Variants in MAD2L2 observed in about 807,000 individuals in gnomAD.
The protein encoded by MAD2L2 is mitotic spindle assembly checkpoint protein MAD2B.
MAD2L2 carries 17 observed loss-of-function variants against 30.5 expected under a neutral mutation model. That is an observed-to-expected ratio of 0.56 (90% CI 0.38 to 0.84). The LOEUF (loss-of-function observed/expected upper bound fraction) is 0.84. MAD2L2 is among the 40% of genes least tolerant of loss of function. The pLI is 0.00. For synonymous variants in MAD2L2, 101 were observed against 113.9 expected (o/e 0.89, Z 0.72); for missense variants, 213 against 277.4 (o/e 0.77, Z 1.65).
At chr1:11,679,314 T>C (rs903211452) in intron 3 of MAD2L2, among the ~76,000 whole-genome samples, 11 of 152,232 alleles carry the variant, frequency 7.2e-5, no homozygotes, top group Admixed American at 6.5e-5. Context: ...CTTCTACCAC[T>C]TATTCTCATG....
chr1:11,675,668 TG>T lies in MAD2L2; in HGVS notation c.490del (p.Gln164ArgfsTer23). 4.3e-6 allele frequency: 7 copies of T among 1,614,058 alleles called. No homozygotes were observed. Among genetic ancestry groups the T allele is most frequent in the Non-Finnish European group, 5.9e-6 (7 of 1,179,922 alleles). On this transcript the variant is annotated frameshift_variant, in exon 7 of 9. Transcript: ENST00000376692. LOFTEE classifies it high-confidence loss of function. ...CCCATCTCATCTCACCTTGATGACC[TG>T]GATCTTCTCCATGTTGCGAGTGGCG... is the stretch of plus-strand genomic sequence containing the variant. ...EAATRNMEKIQVIKDFPWILA... is the reference protein window; with the variant it reads ...EAATRNMEKIXVIKDFPWILA...
intron 5 of MAD2L2, 46 bp downstream of exon 5, chr1:11,676,802 G>T: frequency 6.7e-7 from 1 of 1,481,888 alleles, no homozygotes; most frequent in Non-Finnish European, 9.4e-7. Flanking sequence ...TGTTGCCAGA[G>T]ACACACCTGA....
upstream of MAD2L2, among the ~76,000 whole-genome samples, chr1:11,685,205 A>G (rs541967070): frequency 1.3e-5 from 2 of 152,178 alleles, no homozygotes; most frequent in South Asian, 2.1e-4. Context: ...TGCTGAGATT[A>G]CAGGCTTGAG....
At chr1:11,682,859 A>G (rs1288574870), upstream of MAD2L2, among the ~76,000 whole-genome samples, 2 of 152,192 alleles carry the variant, frequency 1.3e-5, no homozygotes, top group Non-Finnish European at 2.9e-5. Flanking sequence ...TTGGCAGCAC[A>G]TTCTGGGCAC....
intron 8 of MAD2L2, 25 bp downstream of exon 8, chr1:11,675,057 C>A: frequency 1.3e-6 from 2 of 1,550,222 alleles, no homozygotes; most frequent in South Asian, 1.2e-5. Context: ...CTAAATAAAG[C>A]TTCCCGGGTC....
chr1:11,675,996 G>C, intron 6 of MAD2L2, 50 bp downstream of exon 6: 1 of 1,501,030 alleles, frequency 6.7e-7, no homozygotes, highest in Non-Finnish European at 9.3e-7. Flanking sequence ...AGACCAACCC[G>C]AGATAACCAT....
chr1:11,685,349 A>C (rs1313991040), upstream of MAD2L2, among the ~76,000 whole-genome samples: 2 of 152,110 alleles, frequency 1.3e-5, no homozygotes, highest in East Asian at 3.9e-4. Flanking sequence ...ATCCCAACTG[A>C]GTCTGGATGA....
rs1162951805 is a variant in MAD2L2, at chr1:11,687,397, G to A, written c.-692+4016C>T. Reference sequence around the variant, plus strand: ...TGGGACTACAGGCGACCTCCATCACGCTTGGCTAATTTTTAAATTTTTAGT... The same window carrying A: ...TGGGACTACAGGCGACCTCCATCACACTTGGCTAATTTTTAAATTTTTAGT... On this transcript the variant is annotated intron_variant, in intron 1 of 10. Coordinates refer to the MAD2L2 transcript ENST00000235310. The surrounding 1 kb of genome is among the most constrained non-coding windows in gnomAD (Gnocchi z 4.1). Among the ~76,000 whole-genome samples the A allele has an allele frequency of 2.0e-5, 3 of 152,118 alleles. No homozygotes were observed. Among genetic ancestry groups the A allele is most frequent in the South Asian group, 2.1e-4 (1 of 4,824 alleles).
intron 1 of MAD2L2, among the ~76,000 whole-genome samples, chr1:11,686,318 T>G (rs1171883351): frequency 6.6e-6 from 1 of 152,218 alleles, no homozygotes; most frequent in Admixed American, 6.5e-5. Context: ...ACTGCTGACC[T>G]GAGATGGCTT....
intron 3 of MAD2L2, among the ~76,000 whole-genome samples, chr1:11,679,674 G>A (rs891323232): frequency 2.6e-5 from 4 of 151,536 alleles, no homozygotes; most frequent in Non-Finnish European, 5.9e-5. Flanking sequence ...TTACAGGCGC[G>A]TACCACCACA....
In MAD2L2 at chr1:11,681,145, C is replaced by T. The variant is rs1640871455; in HGVS notation, c.-119G>A. 6.6e-6 allele frequency: 1 copy of T among 152,278 alleles called. No individual in the cohort carries two copies. Among genetic ancestry groups the T allele is most frequent in the Non-Finnish European group, 1.5e-5 (1 of 68,054 alleles). The allele number at this position is 152,278 out of a possible 1,614,324, so 9.4% of individuals were successfully genotyped here. On this transcript the variant is annotated 5_prime_UTR_variant, in exon 1 of 9. Transcript: ENST00000376692. Reference sequence around the variant, plus strand: ...CTCAACCCGGGGCCTCGGCGCCGCTCGGTGACGTTCACGGCGCTCCGGTGG... The same window carrying T: ...CTCAACCCGGGGCCTCGGCGCCGCTTGGTGACGTTCACGGCGCTCCGGTGG...
rs1252707357 is a variant in MAD2L2, at chr1:11,690,233, A to G, written c.-692+1180T>C. 1.3e-5 allele frequency among the ~76,000 whole-genome samples: 2 copies of G among 152,108 alleles called. No homozygotes were observed. Among genetic ancestry groups the G allele is most frequent in the African/African-American group, 4.8e-5 (2 of 41,418 alleles). ...GGGATTCTTGTCCATGTTGTTTACTACTGTACCTCCGGTGCCGGCACATAG... is the reference window on the plus strand; with the variant it reads ...GGGATTCTTGTCCATGTTGTTTACTGCTGTACCTCCGGTGCCGGCACATAG... On this transcript the variant is annotated intron_variant, in intron 1 of 10. Transcript: ENST00000235310. The surrounding 1 kb of genome is among the most constrained non-coding windows in gnomAD (Gnocchi z 4.2).
chr1:11,684,706 G>A (rs1198685724), upstream of MAD2L2, among the ~76,000 whole-genome samples: 1 of 152,092 alleles, frequency 6.6e-6, no homozygotes, highest in East Asian at 1.9e-4. Context: ...CCAGGCTGAT[G>A]GCAGAATGAA....
chr1:11,677,005 C>T, intron 4 of MAD2L2, 57 bp from the exon 5 acceptor site: 1 of 1,252,210 alleles, frequency 8.0e-7, no homozygotes, highest in South Asian at 1.2e-5. Flanking sequence ...ACTACACCAC[C>T]CTGCCTCCAC....
In MAD2L2 at chr1:11,680,082, G is replaced by A. The variant is rs971062514; in HGVS notation, c.159+271C>T. ...ACAATTTCGGCTCACTGCAACCTCC[G>A]CCTCCTGGGTTCAAGGGATTCTCCT... On this transcript the variant is annotated intron_variant, in intron 3 of 8. Coordinates refer to ENST00000376692, the MANE Select transcript of MAD2L2 (RefSeq NM_006341.4). 7.0e-5 allele frequency among the ~76,000 whole-genome samples: 9 copies of A among 128,698 alleles called. 1 individual carries two copies. The highest frequency in any genetic ancestry group is 7.9e-5 in the Non-Finnish European group (5 of 63,566). The allele number at this position is 128,698 out of a possible 152,430, so 84.4% of individuals were successfully genotyped here. A position where few individuals can be genotyped will look rare whatever the true frequency, so the allele number is the denominator to read the frequency against.
Position 11,680,726 on chromosome 1 carries a change from C to T in MAD2L2, c.-12-113G>A, listed in dbSNP as rs564974368. On this transcript the variant is annotated intron_variant, in intron 1 of 8. Transcript: ENST00000376692. The stretch of plus-strand genomic sequence containing the variant: ...GTCTGTGGGAACTGGGGAAGGACCT[C>T]CCGCTTCGCACAGGCTCAGGGCAGC... 3.5e-4 allele frequency: 512 copies of T among 1,448,530 alleles called. 4 individuals are homozygous for T. The African/African-American group carries it at 6.2e-3, about 17-fold the overall frequency. The allele number at this position is 1,448,530 out of a possible 1,614,324, so 89.7% of individuals were successfully genotyped here.
intron 4 of MAD2L2, 148 bp from the exon 5 acceptor site, chr1:11,677,096 A>G (rs1640783197): frequency 1.4e-6 from 1 of 690,128 alleles, no homozygotes; most frequent in Non-Finnish European, 2.6e-6. Flanking sequence ...AAGAGGCCAG[A>G]TAGCGAGTTT....
upstream of MAD2L2, chr1:11,681,590 G>C (rs777627241): frequency 2.6e-5 from 4 of 152,190 alleles, no homozygotes; most frequent in Non-Finnish European, 4.4e-5. Flanking sequence ...CGGTTGTCAA[G>C]GCCCGGGTGA....
chr1:11,688,684 T>C lies in MAD2L2; in HGVS notation c.-692+2729A>G, dbSNP rs1641006293. Among the ~76,000 whole-genome samples the C allele has an allele frequency of 6.6e-6, 1 of 152,204 alleles. No homozygotes were observed. Among genetic ancestry groups the C allele is most frequent in the African/African-American group, 2.4e-5 (1 of 41,452 alleles). The stretch of plus-strand genomic sequence containing the variant: ...CCCTGTGGCCTTTGCAGGCTCACAT[T>C]GTTAGAGGTGTCTGAACCAGAGCAA... On this transcript the variant is annotated intron_variant, in intron 1 of 10. Transcript: ENST00000235310. This position sits in a 1 kb window ranked among gnomAD's most constrained non-coding sequence, Gnocchi z 4.6.
Sources: allele counts gnomAD v4.1 joint callset (sites outside exome capture counted in the v4.1 genomes callset), GRCh38; gene constraint gnomAD v4.1.1; non-coding constraint Gnocchi (gnomAD v3.1); transcripts MANE v1.5; gene names NCBI Gene and HGNC (gene_info 2026-07-23, HGNC 2026-07-21).